The following SLC9A3 variants were observed in gnomAD, a reference collection of about 807,000 sequenced individuals.
The protein encoded by SLC9A3 is solute carrier family 9 member A3.
SLC9A3 carries 37 observed loss-of-function variants against 86.8 expected under a neutral mutation model. The observed-to-expected ratio is 0.43, with a 90% CI of 0.33 to 0.56. SLC9A3 has a LOEUF of 0.56. Ranked by LOEUF, SLC9A3 falls within the 20% of genes least tolerant of loss-of-function variation. The pLI is 0.06. For synonymous variants in SLC9A3, 581 were observed against 528.3 expected (o/e 1.10, Z -1.37); for missense variants, 1,011 against 1,171.9 (o/e 0.86, Z 2.00).
chr5:479,438 C>T (rs1579771771), intron 10 of SLC9A3: 2 of 206,836 alleles, frequency 9.7e-6, no homozygotes, highest in East Asian at 1.5e-4. Context: ...GGGAGACGGC[C>T]CTGCTGCTGC....
rs1440270296 is a variant in SLC9A3, at chr5:497,083, CAG to C, written c.212-5014_212-5013del. Among the ~76,000 whole-genome samples, 3 of 152,030 alleles carry C rather than the reference CAG, an allele frequency of 2.0e-5. No homozygotes were observed. Among genetic ancestry groups the C allele is most frequent in the African/African-American group, 7.3e-5 (3 of 41,364 alleles). On this transcript the variant is annotated intron_variant, in intron 1 of 16. Transcript: ENST00000264938. This position sits in a 1 kb window ranked among gnomAD's most constrained non-coding sequence, Gnocchi z 5.4. ...AAATTTTTTTTTTACTTGAATTTAA[CAG>C]AGAAAATAGTTAAAAATAGTTGCAA... is the stretch of plus-strand genomic sequence containing the variant.
chr5:488,645 C>A (rs1739581065), intron 2 of SLC9A3, among the ~76,000 whole-genome samples, 169 bp from the exon 3 acceptor site: 1 of 152,272 alleles, frequency 6.6e-6, no homozygotes, highest in East Asian at 1.9e-4. Flanking sequence ...CCCCAGCCCC[C>A]TCCAGGGAAG....
At chr5:481,974 C>T (rs1739207167) in intron 8 of SLC9A3, 94 bp downstream of exon 8, 1 of 404,998 alleles carries the variant, frequency 2.5e-6, no homozygotes, top group Middle Eastern at 6.0e-4. Context: ...CCGCCACCCC[C>T]CAAGCCCCAG....
chr5:492,504 G>A (rs1469582024), intron 1 of SLC9A3, among the ~76,000 whole-genome samples: 1 of 151,988 alleles, frequency 6.6e-6, no homozygotes, highest in Admixed American at 6.5e-5. Context: ...GCTCAGAGCT[G>A]CAGGCATCTA....
At chr5:516,501 C>T (rs1161278004) in intron 1 of SLC9A3, among the ~76,000 whole-genome samples, 1 of 152,216 alleles carries the variant, frequency 6.6e-6, no homozygotes, top group Non-Finnish European at 1.5e-5. Flanking sequence ...TGGGCAGTTC[C>T]AGCACCAAGT....
intron 1 of SLC9A3, among the ~76,000 whole-genome samples, chr5:519,991 G>A (rs903716308): frequency 1.7e-4 from 26 of 152,162 alleles, no homozygotes; most frequent in Admixed American, 1.4e-3. Context: ...GATGTGGGGC[G>A]GCCTGGGCCT....
At chr5:515,474 C>T (rs1196358763) in intron 1 of SLC9A3, among the ~76,000 whole-genome samples, 1 of 152,090 alleles carries the variant, frequency 6.6e-6, no homozygotes, top group Non-Finnish European at 1.5e-5. Context: ...CACAGCCAGC[C>T]CCAAGGGAAG....
intron 8 of SLC9A3, 106 bp from the exon 9 acceptor site, chr5:481,741 C>G (rs1739181110): frequency 4.1e-6 from 4 of 980,490 alleles, no homozygotes; most frequent in Non-Finnish European, 4.9e-6. Flanking sequence ...GCCCCCCTCA[C>G]CACGCCCCTG....
At position 524,287 on chromosome 5, in the gene SLC9A3, C is replaced by T. The variant is rs1733972349; in HGVS notation, c.36G>A (p.Gly12=). Residue 12 remains glycine (G), a synonymous_variant, in exon 1 of 17, where the codon GGG becomes GGA. Transcript: ENST00000264938. Reference sequence around the variant, plus strand: ...CGCCCAGCGCCAGCGCCAGCAGCAGCCCCCGGTCGGGGCCCCGGGCCCCGA... The same window carrying T: ...CGCCCAGCGCCAGCGCCAGCAGCAGTCCCCGGTCGGGGCCCCGGGCCCCGA... ...WGLGARGPDR[G]LLLALALGGL... 4.6e-6 allele frequency: 6 copies of T among 1,315,224 alleles called. No homozygotes were observed. In the African/African-American group the frequency reaches 4.7e-5, roughly 10 times the overall value. The allele number at this position is 1,315,224 out of a possible 1,614,324, so 81.5% of individuals were successfully genotyped here.
chr5:511,423 C>T (rs1307893099), intron 1 of SLC9A3, among the ~76,000 whole-genome samples: 1 of 152,210 alleles, frequency 6.6e-6, no homozygotes, highest in Non-Finnish European at 1.5e-5. Context: ...ATCATTCAAA[C>T]ATACAAAGGA....
At chr5:476,180 C>A (rs1738717831) in intron 13 of SLC9A3, 22 bp downstream of exon 13, 1 of 1,613,286 alleles carries the variant, frequency 6.2e-7, no homozygotes, top group Admixed American at 1.7e-5. Context: ...CCCCGCCAAG[C>A]CTCCTGGTGA....
At chr5:480,434 C>T (rs1478958957) in intron 9 of SLC9A3, 2 of 157,570 alleles carry the variant, frequency 1.3e-5, no homozygotes, top group African/African-American at 4.8e-5. Flanking sequence ...TTAGAGGAAA[C>T]TCTGGGGCAC....
chr5:475,874 G>T, intron 14 of SLC9A3, 146 bp downstream of exon 14: 1 of 763,490 alleles, frequency 1.3e-6, no homozygotes. Flanking sequence ...TCTGCAGCTG[G>T]GGCCCTGACC....
Position 524,417 on chromosome 5 carries a change from G to A in SLC9A3, c.-95C>T. The A allele has an allele frequency of 2.5e-6, 1 of 401,414 alleles. No individual in the cohort carries two copies. The highest frequency in any genetic ancestry group is 3.8e-6 in the Non-Finnish European group (1 of 265,778). 24.9% of individuals were successfully genotyped at this position (401,414 alleles called of 1,614,324 possible). A position where few individuals can be genotyped will look rare whatever the true frequency, so the allele number is the denominator to read the frequency against. On this transcript the variant is annotated 5_prime_UTR_variant, in exon 1 of 17. Coordinates refer to ENST00000264938, the MANE Select transcript of SLC9A3 (RefSeq NM_004174.4). The stretch of plus-strand genomic sequence containing the variant: ...CGGGGCTGGGACCCGGCGAGGACCC[G>A]GCGCGCTCCGGTGCCGGTACCGGCT...
At position 476,216 on chromosome 5, in the gene SLC9A3, G is replaced by T; in HGVS notation, c.2053C>A (p.Arg685Ser). 1.9e-6 allele frequency: 3 copies of T among 1,613,714 alleles called. No individual in the cohort carries two copies. The highest frequency in any genetic ancestry group is 2.5e-6 in the Non-Finnish European group (3 of 1,179,934). The stretch of plus-strand genomic sequence containing the variant: ...CCCAGCCTTACCCGCTTCTGGGCAC[G>T]CTCCCGCTTGTACAGCTTGGCCGCC... Reference protein sequence around the residue: ...KKAAKLYKRERAQKRRNSSIP... With the variant: ...KKAAKLYKRESAQKRRNSSIP... The change falls in exon 13 of 17, where the codon CGT (arginine) becomes AGT (serine). Residue 685 changes from arginine to serine, a missense_variant. Around this residue, in one of 3 missense-constraint regions of SLC9A3, gnomAD observed 397 missense variants for 346.3 expected, o/e 1.15. Coordinates refer to ENST00000264938, the MANE Select transcript of SLC9A3 (RefSeq NM_004174.4).
At chr5:500,375 T>C (rs1167141664) in intron 1 of SLC9A3, among the ~76,000 whole-genome samples, 2 of 152,070 alleles carry the variant, frequency 1.3e-5, no homozygotes, top group Non-Finnish European at 2.9e-5. Flanking sequence ...CGTGGATCCC[T>C]GGCGAGAATG....
In SLC9A3 at chr5:479,547, T is replaced by A. The variant is rs113569456; in HGVS notation, c.1647+289A>T. On this transcript the variant is annotated intron_variant, in intron 10 of 16. Coordinates refer to ENST00000264938, the MANE Select transcript of SLC9A3 (RefSeq NM_004174.4). Reference sequence around the variant, plus strand: ...CCCGTAACAGCCTGCCTGCTTACCGTCTGCTCCCATCCCTGGGGAAAGCAA... The same window carrying A: ...CCCGTAACAGCCTGCCTGCTTACCGACTGCTCCCATCCCTGGGGAAAGCAA... 2.9e-3 allele frequency: 1,159 copies of A among 394,312 alleles called. 1 individual carries two copies. Among genetic ancestry groups the A allele is most frequent in the Non-Finnish European group, 4.5e-3 (945 of 210,710 alleles). The allele number at this position is 394,312 out of a possible 1,614,324, so 24.4% of individuals were successfully genotyped here.
In SLC9A3 at chr5:482,106, G is replaced by A; in HGVS notation, c.1408C>T (p.His470Tyr). ...TTCTCGTTGAGCCGAGGTTCCCGGT[G>A]CTCGCTCCTCTTCACCTTCAGCCAC... ...VQWLKVKRSE[H>Y]REPRLNEKLH... The change falls in exon 8 of 17, where the codon CAC (histidine) becomes TAC (tyrosine). Residue 470 changes from histidine to tyrosine, a missense_variant. By Grantham distance (83) the His-to-Tyr change is moderately conservative. Around this residue, in one of 3 missense-constraint regions of SLC9A3, gnomAD observed 565 missense variants for 790.0 expected, o/e 0.72. Coordinates refer to ENST00000264938, the MANE Select transcript of SLC9A3 (RefSeq NM_004174.4). The A allele has an allele frequency of 1.9e-6, 3 of 1,608,812 alleles. No homozygotes were observed. The highest frequency in any genetic ancestry group is 1.1e-5 in the South Asian group (1 of 90,814).
Position 474,893 on chromosome 5 carries a change from A to G in SLC9A3, c.2491T>C (p.Ser831Pro), listed in dbSNP as rs754007631. The change falls in exon 16 of 17, where the codon TCC (serine) becomes CCC (proline). Residue 831 changes from serine (S) to proline (P), a missense_variant. By Grantham distance (74) the Ser-to-Pro change is moderately conservative. This residue lies in a region of SLC9A3 where 397 missense variants were observed against 346.3 expected (regional missense o/e 1.15). Coordinates refer to ENST00000264938, the MANE Select transcript of SLC9A3 (RefSeq NM_004174.4). ...GCCCGGGAGCGTTACATGTGTGTGGACTCGGGGAGGGCGGCGGGGGGCCGC... is the reference window on the plus strand; with the variant it reads ...GCCCGGGAGCGTTACATGTGTGTGGGCTCGGGGAGGGCGGCGGGGGGCCGC... ...EERPPAALPESTHM is the reference protein window; with the variant it reads ...EERPPAALPEPTHM 2.0e-5 allele frequency: 32 copies of G among 1,594,248 alleles called. No individual in the cohort carries two copies. Among genetic ancestry groups the G allele is most frequent in the Non-Finnish European group, 2.7e-5 (32 of 1,172,016 alleles).
Sources: gnomAD v4.1 joint callset for allele counts (sites outside exome capture counted in the v4.1 genomes callset) on GRCh38, gnomAD v4.1.1 for gene constraint, gnomAD v4.1.1 regional missense constraint, Gnocchi (gnomAD v3.1) non-coding constraint, MANE v1.5 for transcripts, NCBI Gene and HGNC (gene_info 2026-07-23, HGNC 2026-07-21) for gene names.